PTPRD: variants seen among roughly 807,000 people sequenced by gnomAD.
PTPRD encodes protein tyrosine phosphatase receptor type D, also known as receptor-type tyrosine-protein phosphatase delta.
A neutral mutation model predicts 214.5 loss-of-function variants in PTPRD; 34 were observed. The observed-to-expected ratio is 0.16, with a 90% CI of 0.12 to 0.21. The LOEUF is 0.21. Ranked by LOEUF, PTPRD falls within the 10% of genes least tolerant of loss-of-function variation. The probability of loss-of-function intolerance (pLI) is 1.00; values close to 1 mark genes in which losing one functional copy is unlikely to be tolerated. For missense variants in PTPRD, 2,545 were observed against 2,398.7 expected (o/e 1.06, Z -1.27); for synonymous variants, 1,128 against 845.7 (o/e 1.33, Z -5.79).
chr9:9,139,540 AC>A (rs1487392296), intron 10 of PTPRD, among the ~76,000 whole-genome samples: 1 of 152,184 alleles, frequency 6.6e-6, no homozygotes, highest in Non-Finnish European at 1.5e-5. Flanking sequence ...GCTCTGTGAT[AC>A]CGCGACAGTC....
chr9:9,123,477 C>T (rs1003016178), intron 10 of PTPRD, among the ~76,000 whole-genome samples: 7 of 152,130 alleles, frequency 4.6e-5, no homozygotes, highest in Non-Finnish European at 7.4e-5. Flanking sequence ...TATTGTAGTC[C>T]AGATTAGAAA....
chr9:9,662,512 G>A (rs965439771), intron 7 of PTPRD, among the ~76,000 whole-genome samples: 1 of 151,520 alleles, frequency 6.6e-6, no homozygotes, highest in African/African-American at 2.4e-5. Flanking sequence ...GTTTTGCTAT[G>A]GCATTCCTTA....
At chr9:9,684,920 T>G (rs781109172) in intron 7 of PTPRD, among the ~76,000 whole-genome samples, 4 of 151,618 alleles carry the variant, frequency 2.6e-5, no homozygotes, top group Non-Finnish European at 5.9e-5. Flanking sequence ...TGTATTAATT[T>G]TTTCCTATCT....
chr9:9,429,586 G>C (rs542830826), intron 8 of PTPRD, among the ~76,000 whole-genome samples: 1 of 152,274 alleles, frequency 6.6e-6, no homozygotes, highest in South Asian at 2.1e-4. Context: ...AAGCCTGGCA[G>C]AGAAAAAACA....
intron 9 of PTPRD, among the ~76,000 whole-genome samples, chr9:9,279,178 G>T (rs1301131683): frequency 6.6e-6 from 1 of 150,420 alleles, no homozygotes; most frequent in Non-Finnish European, 1.5e-5. Flanking sequence ...AGATAATTTT[G>T]TATGTATATA....
intron 8 of PTPRD, among the ~76,000 whole-genome samples, chr9:9,410,350 A>T (rs1587619369): frequency 1.3e-5 from 2 of 152,202 alleles, no homozygotes; most frequent in Admixed American, 1.3e-4. Context: ...TACCAAAAAT[A>T]AAATACTTTT....
At chr9:9,993,789 T>C (rs2096031049) in intron 4 of PTPRD, among the ~76,000 whole-genome samples, 1 of 152,306 alleles carries the variant, frequency 6.6e-6, no homozygotes, top group South Asian at 2.1e-4. Flanking sequence ...ATTTTTCTGT[T>C]ATACTTGAAT....
At chr9:9,468,495 T>C (rs1056453259) in intron 8 of PTPRD, among the ~76,000 whole-genome samples, 1 of 152,072 alleles carries the variant, frequency 6.6e-6, no homozygotes, top group Admixed American at 6.5e-5. Flanking sequence ...TTTTGATATT[T>C]TTCACTTTCA....
chr9:9,278,393 T>C (rs1226431928), intron 9 of PTPRD, among the ~76,000 whole-genome samples: 1 of 151,356 alleles, frequency 6.6e-6, no homozygotes, highest in African/African-American at 2.4e-5. Context: ...CTTATAAAAT[T>C]TTAAGATTTT....
intron 31 of PTPRD, among the ~76,000 whole-genome samples, chr9:8,468,462 C>G (rs1039736154): frequency 6.6e-6 from 1 of 151,938 alleles, no homozygotes; most frequent in African/African-American, 2.4e-5. Flanking sequence ...TCTGCTCTAC[C>G]CAGTTTGACC....
chr9:8,571,096 A>T (rs182997121), intron 14 of PTPRD, among the ~76,000 whole-genome samples: 1 of 152,020 alleles, frequency 6.6e-6, no homozygotes, highest in Non-Finnish European at 1.5e-5. Context: ...CTTCCACGGC[A>T]TATTCCATTT....
At chr9:10,160,298 T>C (rs1227052522) in intron 3 of PTPRD, among the ~76,000 whole-genome samples, 1 of 152,012 alleles carries the variant, frequency 6.6e-6, no homozygotes, top group Non-Finnish European at 1.5e-5. Context: ...GTTTGAAGCA[T>C]GAGGATATTG....
intron 11 of PTPRD, among the ~76,000 whole-genome samples, chr9:8,826,558 C>A (rs569791559): frequency 6.6e-6 from 1 of 152,196 alleles, no homozygotes; most frequent in East Asian, 1.9e-4. Context: ...TACCCATATC[C>A]AACTGATTCC....
At chr9:10,048,255 C>T (rs1224398498) in intron 3 of PTPRD, among the ~76,000 whole-genome samples, 1 of 121,896 alleles carries the variant, frequency 8.2e-6, no homozygotes, top group East Asian at 2.8e-4. Context: ...GCCTTGCTAA[C>T]CTTTTCTTCT....
At chr9:9,037,028 G>C (rs10759033) in intron 10 of PTPRD, among the ~76,000 whole-genome samples, 63,873 of 151,506 alleles carry the variant, frequency 0.42, 14,352 homozygotes, top group East Asian at 0.64. Flanking sequence ...TACAAGGTTG[G>C]GTACTGGGTT....
In PTPRD at chr9:8,447,772, G is replaced by T. The variant is rs372719003; in HGVS notation, c.3988+1953C>A. 2.6e-5 allele frequency among the ~76,000 whole-genome samples: 4 copies of T among 152,210 alleles called. No homozygotes were observed. In the East Asian group the frequency reaches 7.7e-4, roughly 29 times the overall value. On this transcript the variant is annotated intron_variant, in intron 34 of 45. Transcript: ENST00000381196. ...AACCTTATACTGTGTTTCTGCCTCC[G>T]GTGGAAGACCAAGGTTGGTTCCAGC... is the stretch of plus-strand genomic sequence containing the variant.
At chr9:9,656,721 A>G (rs2096524972) in intron 7 of PTPRD, among the ~76,000 whole-genome samples, 1 of 152,184 alleles carries the variant, frequency 6.6e-6, no homozygotes, top group Admixed American at 6.5e-5. Flanking sequence ...GCTCAAACCT[A>G]TAGAAGATGC....
At chr9:9,413,648 T>G (rs1035632830) in intron 8 of PTPRD, among the ~76,000 whole-genome samples, 2 of 152,212 alleles carry the variant, frequency 1.3e-5, no homozygotes, top group Non-Finnish European at 2.9e-5. Flanking sequence ...GTTTATCAGC[T>G]GAACATTGGT....
intron 2 of PTPRD, among the ~76,000 whole-genome samples, chr9:10,348,213 A>T (rs1465449700): frequency 1.3e-5 from 2 of 152,058 alleles, no homozygotes; most frequent in Admixed American, 1.3e-4. Flanking sequence ...CTTACGTAGG[A>T]TTACTTTTTT....
Sources: allele counts gnomAD v4.1 joint callset (sites outside exome capture counted in the v4.1 genomes callset), GRCh38; gene constraint gnomAD v4.1.1; transcripts MANE v1.5; gene names NCBI Gene and HGNC (gene_info 2026-07-23, HGNC 2026-07-21).